Variants in LYSMD2 observed in about 807,000 individuals in gnomAD.
LYSMD2 encodes lysM and putative peptidoglycan-binding domain-containing protein 2.
Under a neutral mutation model 17.7 loss-of-function variants are expected in LYSMD2, and 6 were observed. The ratio of observed to expected loss-of-function variants is 0.34; its 90% confidence interval spans 0.19 to 0.67. The LOEUF (loss-of-function observed/expected upper bound fraction) is 0.67. Among genes scored for constraint, LYSMD2 ranks in the 30% least tolerant of loss-of-function variants. The pLI is 0.69. For synonymous variants in LYSMD2, 102 were observed against 129.8 expected, an observed-to-expected ratio of 0.79 and a Z score of 1.45; for missense variants, 237 against 286.7, an observed-to-expected ratio of 0.83 and a Z score of 1.25.
At chr15:51,738,903 A>C (rs1219817375), upstream of LYSMD2, among the ~76,000 whole-genome samples, 1 of 152,124 alleles carries the variant, frequency 6.6e-6, no homozygotes, top group Non-Finnish European at 1.5e-5. Flanking sequence ...TCATGGTCTG[A>C]CCATACCCCA....
At chr15:51,731,545 A>T (rs540353408) in intron 1 of LYSMD2, among the ~76,000 whole-genome samples, 1 of 152,362 alleles carries the variant, frequency 6.6e-6, no homozygotes, top group Admixed American at 6.5e-5. Context: ...TAATTGGCAG[A>T]GGAAGAGAAA....
intron 1 of LYSMD2, among the ~76,000 whole-genome samples, chr15:51,727,139 A>G (rs1000678289): frequency 9.2e-5 from 14 of 152,288 alleles, no homozygotes; most frequent in Middle Eastern, 3.4e-3. Context: ...AGAAATGGGT[A>G]GTAAGTTATC....
At chr15:51,733,427 T>C (rs1020326026) in intron 1 of LYSMD2, among the ~76,000 whole-genome samples, 2 of 151,842 alleles carry the variant, frequency 1.3e-5, no homozygotes, top group Non-Finnish European at 2.9e-5. Flanking sequence ...AAGGTAGCTC[T>C]GAGGGAAAGA....
rs772827577 is a variant in LYSMD2 at position 51,723,629 on chromosome 15, G to T, written c.626C>A (p.Ala209Glu). 6.2e-7 allele frequency: 1 copy of T among 1,605,480 alleles called. No individual in the cohort carries two copies. The highest frequency in any genetic ancestry group is 1.7e-5 in the Admixed American group (1 of 58,784). ...CACCTAACTGTGATAGAGGGAAGTT[G>T]CATAGGGACTTTCTTCATCTCTGAA... ...EESRDEESPY[A>E]TSLYHS The change falls in exon 3 of 3, where the codon GCA becomes GAA. Residue 209 changes from alanine (A) to glutamate (E), a missense_variant. By Grantham distance (107) the Ala-to-Glu change is moderately radical (BLOSUM62 -1). Transcript: ENST00000267838.
intron 1 of LYSMD2, among the ~76,000 whole-genome samples, chr15:51,744,846 A>C (rs766599200): frequency 2.0e-5 from 3 of 152,166 alleles, no homozygotes; most frequent in Admixed American, 6.5e-5. Context: ...CTTTGAAAAG[A>C]TCGACAAAAT....
At chr15:51,747,896 T>A (rs1157860905) in intron 1 of LYSMD2, among the ~76,000 whole-genome samples, 1 of 152,212 alleles carries the variant, frequency 6.6e-6, no homozygotes, top group African/African-American at 2.4e-5. Context: ...ATCCACCATA[T>A]CCTTTGAAGC....
chr15:51,731,688 G>A (rs1271306994), intron 1 of LYSMD2, among the ~76,000 whole-genome samples: 1 of 152,150 alleles, frequency 6.6e-6, no homozygotes, highest in Non-Finnish European at 1.5e-5. Context: ...GCAAATCATA[G>A]GTCCACCTGG....
chr15:51,734,040 G>A (rs1190701367), intron 1 of LYSMD2, among the ~76,000 whole-genome samples: 2 of 152,032 alleles, frequency 1.3e-5, no homozygotes, highest in East Asian at 1.9e-4. Flanking sequence ...AAAATTAGCC[G>A]GGCATGGTGG....
chr15:51,746,557 A>C (rs1457363380), intron 1 of LYSMD2, among the ~76,000 whole-genome samples: 6 of 152,228 alleles, frequency 3.9e-5, no homozygotes, highest in Admixed American at 3.9e-4. Context: ...AACTCTGTGA[A>C]TATACTAAAA....
intron 1 of LYSMD2, among the ~76,000 whole-genome samples, chr15:51,743,860 T>C (rs575406590): frequency 1.3e-5 from 2 of 152,320 alleles, no homozygotes; most frequent in South Asian, 4.1e-4. Context: ...TGTTTCTGTC[T>C]GTCTCCTTTT....
intron 1 of LYSMD2, among the ~76,000 whole-genome samples, chr15:51,729,534 C>G (rs1487584311): frequency 1.3e-5 from 2 of 152,266 alleles, no homozygotes; most frequent in African/African-American, 4.8e-5. Context: ...TCTCGGCTCA[C>G]TGCAACCTCT....
At chr15:51,734,785 T>C (rs1356433652) in intron 1 of LYSMD2, among the ~76,000 whole-genome samples, 4 of 152,218 alleles carry the variant, frequency 2.6e-5, no homozygotes, top group Non-Finnish European at 2.9e-5. Flanking sequence ...AGAAACCTAA[T>C]TTGCTCAACT....
intron 1 of LYSMD2, among the ~76,000 whole-genome samples, chr15:51,743,331 C>T (rs1405903033): frequency 6.6e-6 from 1 of 152,182 alleles, no homozygotes; most frequent in African/African-American, 2.4e-5. Flanking sequence ...TGTTTAGATT[C>T]ATTGTTTTAC....
In LYSMD2 at chr15:51,737,111, G is replaced by A. The variant is rs1001548052; in HGVS notation, c.273+239C>T. On this transcript the variant is annotated intron_variant, in intron 1 of 2. Coordinates refer to ENST00000267838, the MANE Select transcript of LYSMD2 (RefSeq NM_153374.3). The surrounding 1 kb of genome is among the most constrained non-coding windows in gnomAD (Gnocchi z 4.2). ...CTCGATGCAGCTACCTAGGGAGGGA[G>A]CCCTGGCGGTCCGCCCCTCCCGCTG... Among the ~76,000 whole-genome samples, 1 of 152,222 alleles carries A rather than the reference G, an allele frequency of 6.6e-6. No homozygotes were observed. Among genetic ancestry groups the A allele is most frequent in the African/African-American group, 2.4e-5 (1 of 41,470 alleles).
chr15:51,751,236 C>T (rs1027736874), intron 1 of LYSMD2: 7 of 701,538 alleles, frequency 1.0e-5, no homozygotes, highest in Non-Finnish European at 1.8e-5. Context: ...CGCCCACGCC[C>T]AGCCAGGAAA....
intron 1 of LYSMD2, among the ~76,000 whole-genome samples, chr15:51,726,164 T>TTTTAA (rs2055538887): frequency 6.6e-6 from 1 of 152,162 alleles, no homozygotes; most frequent in Non-Finnish European, 1.5e-5. Flanking sequence ...AGGAATGAGA[T>TTTTAA]TTTTAAAAAG....
Position 51,723,401 on chromosome 15 carries a change from A to G in LYSMD2, c.*206T>C. Reference sequence around the variant, plus strand: ...ATGAGCTTTAGGCTACAACCTTGCCATCATGCCATAATAAAGACTTAAAAT... The same window carrying G: ...ATGAGCTTTAGGCTACAACCTTGCCGTCATGCCATAATAAAGACTTAAAAT... On this transcript the variant is annotated 3_prime_UTR_variant, in exon 3 of 3. Transcript: ENST00000267838. 1 of 503,318 alleles carries G rather than the reference A, an allele frequency of 2.0e-6. No homozygotes were observed. Among genetic ancestry groups the G allele is most frequent in the Non-Finnish European group, 3.5e-6 (1 of 282,750 alleles). 31.2% of individuals were successfully genotyped at this position (503,318 alleles called of 1,614,324 possible).
At chr15:51,727,092 G>A (rs2055544926) in intron 1 of LYSMD2, among the ~76,000 whole-genome samples, 1 of 152,132 alleles carries the variant, frequency 6.6e-6, no homozygotes, top group Non-Finnish European at 1.5e-5. Context: ...ATGAATTAAC[G>A]CAGGTCAGAG....
chr15:51,725,189 T>C, intron 1 of LYSMD2, 68 bp from the exon 2 acceptor site: 1 of 953,746 alleles, frequency 1.0e-6, no homozygotes, highest in South Asian at 1.7e-5. Context: ...TATTATACAA[T>C]ACAGAACTAC....
Sources: allele counts gnomAD v4.1 joint callset (sites outside exome capture counted in the v4.1 genomes callset), GRCh38; gene constraint gnomAD v4.1.1; non-coding constraint Gnocchi (gnomAD v3.1); transcripts MANE v1.5; gene names NCBI Gene and HGNC (gene_info 2026-07-23, HGNC 2026-07-21).